Variants in EIPR1 observed in about 807,000 individuals in gnomAD.
EIPR1 encodes EARP and GARP complex-interacting protein 1.
In EIPR1, 25 loss-of-function variants were observed where a neutral mutation model predicts 48.1. The observed-to-expected ratio is 0.52, with a 90% confidence interval of 0.38 to 0.73. The LOEUF is 0.73. EIPR1 is among the 30% of genes least tolerant of loss of function. EIPR1 has a pLI of 0.00. For synonymous variants in EIPR1, 204 were observed against 201.9 expected (o/e 1.01, Z -0.09); for missense variants, 415 against 506.2 (o/e 0.82, Z 1.73).
chr2:3,207,641 T>C (rs750011891), intron 5 of EIPR1, among the ~76,000 whole-genome samples: 5 of 152,240 alleles, frequency 3.3e-5, no homozygotes, highest in Non-Finnish European at 5.9e-5. Context: ...CTCCCCAGGG[T>C]GAGCAGCTCC....
At chr2:3,190,905 C>A (rs1664583752) in intron 8 of EIPR1, among the ~76,000 whole-genome samples, 1 of 152,108 alleles carries the variant, frequency 6.6e-6, no homozygotes, top group Admixed American at 6.5e-5. Context: ...AGTTTGAGAC[C>A]AGCTTGGGCA....
At chr2:3,376,339 T>C (rs1320972214) in intron 1 of EIPR1, among the ~76,000 whole-genome samples, 2 of 152,024 alleles carry the variant, frequency 1.3e-5, no homozygotes, top group African/African-American at 4.8e-5. Context: ...AAAACTTAGG[T>C]GTCTGGGTGG....
At chr2:3,259,294 C>A (rs956257976) in intron 3 of EIPR1, among the ~76,000 whole-genome samples, 7 of 152,080 alleles carry the variant, frequency 4.6e-5, no homozygotes, top group Non-Finnish European at 1.0e-4. Flanking sequence ...CACTCCCCCC[C>A]ACATCCCCAA....
At chr2:3,372,908 C>A (rs1002892050) in intron 1 of EIPR1, among the ~76,000 whole-genome samples, 22 of 151,924 alleles carry the variant, frequency 1.4e-4, no homozygotes, top group African/African-American at 5.3e-4. Flanking sequence ...GATACCAAAG[C>A]CGGGCAGAGA....
rs966560892 is a variant in EIPR1 at position 3,352,300 on chromosome 2, C to T, written c.126+2250G>A. ...AAGCGACCTGCCCCTGAGCCACCCACACTGTCTGTTCCGGACACCTTTGAT... is the reference window on the plus strand; with the variant it reads ...AAGCGACCTGCCCCTGAGCCACCCATACTGTCTGTTCCGGACACCTTTGAT... On this transcript the variant is annotated intron_variant, in intron 2 of 8. Coordinates refer to ENST00000382125, the MANE Select transcript of EIPR1 (RefSeq NM_003310.5). 7.3e-5 allele frequency among the ~76,000 whole-genome samples: 11 copies of T among 150,504 alleles called. No homozygotes were observed. The East Asian group carries it at 2.0e-3, about 27-fold the overall frequency.
chr2:3,344,184 C>A (rs925364499), intron 2 of EIPR1, among the ~76,000 whole-genome samples: 8 of 152,264 alleles, frequency 5.3e-5, no homozygotes, highest in Non-Finnish European at 1.2e-4. Flanking sequence ...GCAAACCCCC[C>A]AGCTCTCACC....
intron 3 of EIPR1, among the ~76,000 whole-genome samples, chr2:3,290,817 A>T (rs1668342106): frequency 6.6e-6 from 1 of 152,168 alleles, no homozygotes; most frequent in Non-Finnish European, 1.5e-5. Flanking sequence ...ATCAACCAGC[A>T]CTAATTGCCA....
At chr2:3,365,202 C>T (rs1285839598) in intron 1 of EIPR1, among the ~76,000 whole-genome samples, 11 of 151,666 alleles carry the variant, frequency 7.3e-5, no homozygotes, top group African/African-American at 2.7e-4. Context: ...CTGTAAGAGG[C>T]CAAGGCGGAA....
chr2:3,308,077 C>T (rs938510956), intron 3 of EIPR1, among the ~76,000 whole-genome samples: 1 of 152,212 alleles, frequency 6.6e-6, no homozygotes, highest in Non-Finnish European at 1.5e-5. Context: ...CCGACGCTGT[C>T]GGCCGTGTGT....
At chr2:3,311,330 T>G (rs1315021080) in intron 3 of EIPR1, among the ~76,000 whole-genome samples, 1 of 152,176 alleles carries the variant, frequency 6.6e-6, no homozygotes, top group African/African-American at 2.4e-5. Flanking sequence ...AATTAGTAGT[T>G]TTGTATCTTT....
chr2:3,279,494 G>A (rs1434629062), intron 3 of EIPR1, among the ~76,000 whole-genome samples: 1 of 152,120 alleles, frequency 6.6e-6, no homozygotes, highest in East Asian at 1.9e-4. Flanking sequence ...TGGGATCCTG[G>A]GCAAGGTGTC....
chr2:3,352,998 A>G (rs1251398402), intron 2 of EIPR1, among the ~76,000 whole-genome samples: 1 of 152,238 alleles, frequency 6.6e-6, no homozygotes, highest in Non-Finnish European at 1.5e-5. Context: ...CTCTGTCTCA[A>G]AAAAACAAAA....
In EIPR1 at chr2:3,314,157, C is replaced by T. The variant is rs192031770; in HGVS notation, c.259+23860G>A. Among the ~76,000 whole-genome samples the T allele has an allele frequency of 2.7e-4, 41 of 152,300 alleles. No individual in the cohort carries two copies. In the East Asian group the frequency reaches 7.0e-3, roughly 26 times the overall value. On this transcript the variant is annotated intron_variant, in intron 3 of 8. Coordinates refer to ENST00000382125, the MANE Select transcript of EIPR1 (RefSeq NM_003310.5). ...TGGCTCTAATTTCCCGAGGACTCTG[C>T]GCCAGCGTGATCTACAGTCTTCCTG...
intron 3 of EIPR1, among the ~76,000 whole-genome samples, chr2:3,275,766 T>A (rs1371105629): frequency 1.4e-5 from 2 of 143,812 alleles, no homozygotes; most frequent in Non-Finnish European, 3.0e-5. Context: ...AATGGCTAAA[T>A]GTGAAAAGGC....
intron 1 of EIPR1, 128 bp downstream of exon 1, chr2:3,377,519 TG>T: frequency 8.2e-7 from 1 of 1,226,454 alleles, no homozygotes; most frequent in Non-Finnish European, 1.1e-6. Context: ...CTCTGCAAAA[TG>T]GGAACTAGGG....
At chr2:3,192,330 A>T in intron 8 of EIPR1, 84 bp downstream of exon 8, 2 of 1,445,980 alleles carry the variant, frequency 1.4e-6, no homozygotes, top group East Asian at 5.0e-5. Context: ...GAAACTTTCT[A>T]CATACACAGC....
At chr2:3,330,008 A>G (rs909076200) in intron 3 of EIPR1, among the ~76,000 whole-genome samples, 1 of 152,002 alleles carries the variant, frequency 6.6e-6, no homozygotes, top group Non-Finnish European at 1.5e-5. Flanking sequence ...GGGCTCCCCC[A>G]GATGACAGTT....
Position 3,189,353 on chromosome 2 carries a change from T to C in EIPR1, c.1145A>G (p.Lys382Arg). Residue 382 changes from lysine (K) to arginine (R), a missense_variant, in exon 9 of 9, where the codon AAG (lysine) becomes AGG (arginine). Physicochemically the swap from Lys to Arg is conservative, Grantham distance 26. Coordinates refer to ENST00000382125, the MANE Select transcript of EIPR1 (RefSeq NM_003310.5). This position sits in a 1 kb window ranked among gnomAD's most constrained non-coding sequence, Gnocchi z 4.6. Reference sequence around the variant, plus strand: ...CGGGAGTCATAGCAGGATGTGGTACTTCAGGGCCCTGGGCACCCTGTTGAT... The same window carrying C: ...CGGGAGTCATAGCAGGATGTGGTACCTCAGGGCCCTGGGCACCCTGTTGAT... ...LVINRVPRAL[K>R]YHILL 5 of 1,596,962 alleles carry C rather than the reference T, an allele frequency of 3.1e-6. No homozygotes were observed. Among genetic ancestry groups the C allele is most frequent in the East Asian group, 4.5e-5 (2 of 44,408 alleles).
chr2:3,263,484 C>G (rs550398729), intron 3 of EIPR1, among the ~76,000 whole-genome samples: 2 of 152,178 alleles, frequency 1.3e-5, no homozygotes. Flanking sequence ...CACCCCTCAA[C>G]GGCCCCACCA....
Sources: gnomAD v4.1 joint callset for allele counts (sites outside exome capture counted in the v4.1 genomes callset) on GRCh38, gnomAD v4.1.1 for gene constraint, Gnocchi (gnomAD v3.1) non-coding constraint, MANE v1.5 for transcripts, NCBI Gene and HGNC (gene_info 2026-07-23, HGNC 2026-07-21) for gene names.